The following SLC25A26 variants were observed in gnomAD, a reference collection of about 807,000 sequenced individuals.
SLC25A26 encodes the protein solute carrier family 25 member 26.
In SLC25A26, 36 loss-of-function variants were observed where a neutral mutation model predicts 37.8. The ratio of observed to expected loss-of-function variants is 0.95; its 90% CI spans 0.73 to 1.26. SLC25A26 has a LOEUF of 1.26. SLC25A26 is among the 50% of genes most tolerant of loss of function. The pLI, the probability that SLC25A26 is intolerant of heterozygous loss-of-function variation, is 0.00. For missense variants in SLC25A26, 390 were observed against 331.1 expected (o/e 1.18, Z -1.38); for synonymous variants, 129 against 122.5 (o/e 1.05, Z -0.35).
At chr3:66,367,120 G>T (rs2076841048) in intron 7 of SLC25A26, among the ~76,000 whole-genome samples, 1 of 152,198 alleles carries the variant, frequency 6.6e-6, no homozygotes, top group Admixed American at 6.5e-5. Context: ...CTGGTCTAAA[G>T]ATACGAAGAA....
At chr3:66,311,897 G>A (rs1184802091) in intron 5 of SLC25A26, among the ~76,000 whole-genome samples, 1 of 152,154 alleles carries the variant, frequency 6.6e-6, no homozygotes, top group Non-Finnish European at 1.5e-5. Context: ...CCAGATGCCA[G>A]CTGGAGCTCT....
chr3:66,168,887 C>A (rs748583207), intron 1 of SLC25A26, among the ~76,000 whole-genome samples: 1 of 152,080 alleles, frequency 6.6e-6, no homozygotes, highest in Non-Finnish European at 1.5e-5. Flanking sequence ...TTTGGAAGGC[C>A]AAGGAGGGAG....
chr3:66,295,515 C>T (rs2074870803), intron 5 of SLC25A26, among the ~76,000 whole-genome samples: 1 of 151,522 alleles, frequency 6.6e-6, no homozygotes, highest in Non-Finnish European at 1.5e-5. Context: ...CATTCTTCTG[C>T]CTCAGCCTCC....
intron 1 of SLC25A26, among the ~76,000 whole-genome samples, chr3:66,197,160 C>A (rs1412982669): frequency 6.6e-6 from 1 of 152,008 alleles, no homozygotes; most frequent in Admixed American, 6.6e-5. Flanking sequence ...GCTGGTTTGC[C>A]CCAATATGAA....
At chr3:66,353,601 G>A (rs909669803) in intron 6 of SLC25A26, among the ~76,000 whole-genome samples, 3 of 152,204 alleles carry the variant, frequency 2.0e-5, no homozygotes, top group African/African-American at 4.8e-5. Context: ...TATTTAGTCA[G>A]CTCATTGAAG....
intron 5 of SLC25A26, among the ~76,000 whole-genome samples, chr3:66,281,184 T>A (rs940727519): frequency 1.3e-5 from 2 of 152,216 alleles, no homozygotes; most frequent in African/African-American, 4.8e-5. Flanking sequence ...TTGGTTTTTT[T>A]ATATGAATAC....
At chr3:66,370,502 C>T (rs370856563) in intron 8 of SLC25A26, 27 bp from the exon 9 acceptor site, 126 of 1,592,256 alleles carry the variant, frequency 7.9e-5, no homozygotes, top group Non-Finnish European at 1.0e-4. Context: ...CAGAAGATAA[C>T]GGGTTTCTCT....
intron 5 of SLC25A26, among the ~76,000 whole-genome samples, chr3:66,283,782 A>G (rs900010014): frequency 3.9e-5 from 6 of 152,252 alleles, no homozygotes; most frequent in Non-Finnish European, 7.3e-5. Context: ...TTTATTTGCA[A>G]AAAAGAACCA....
chr3:66,256,985 G>C (rs1361949643), intron 3 of SLC25A26, among the ~76,000 whole-genome samples: 1 of 152,150 alleles, frequency 6.6e-6, no homozygotes, highest in Non-Finnish European at 1.5e-5. Context: ...CTCCTGGCTA[G>C]TTTCATTTGT....
intron 5 of SLC25A26, among the ~76,000 whole-genome samples, chr3:66,318,212 C>G (rs2075593294): frequency 6.6e-6 from 1 of 152,158 alleles, no homozygotes; most frequent in African/African-American, 2.4e-5. Context: ...GCAAATACTC[C>G]TATGTCTCAG....
chr3:66,208,252 G>A (rs1210455104), intron 1 of SLC25A26, among the ~76,000 whole-genome samples: 2 of 152,088 alleles, frequency 1.3e-5, no homozygotes, highest in Admixed American at 6.6e-5. Flanking sequence ...TAAAAAGAGA[G>A]ATGATTTTCT....
intron 1 of SLC25A26, among the ~76,000 whole-genome samples, chr3:66,185,945 A>T (rs1438574672): frequency 6.6e-6 from 1 of 151,912 alleles, no homozygotes; most frequent in Non-Finnish European, 1.5e-5. Flanking sequence ...CTTCACATTC[A>T]CCCTGATGTC....
chr3:66,138,395 A>G (rs2069981026), intron 1 of SLC25A26, among the ~76,000 whole-genome samples: 1 of 152,084 alleles, frequency 6.6e-6, no homozygotes, highest in South Asian at 2.1e-4. Context: ...CTTTTTTTCT[A>G]TAATTAAAAA....
chr3:66,138,734 C>T (rs1241346436), intron 1 of SLC25A26, among the ~76,000 whole-genome samples: 1 of 152,058 alleles, frequency 6.6e-6, no homozygotes, highest in African/African-American at 2.4e-5. Flanking sequence ...GCCAGAGGTT[C>T]CTCTTCACAA....
chr3:66,338,539 A>C (rs1214972306), intron 5 of SLC25A26, among the ~76,000 whole-genome samples: 4 of 152,028 alleles, frequency 2.6e-5, no homozygotes, highest in Non-Finnish European at 5.9e-5. Context: ...TAAAATTGCC[A>C]CTACCATAAT....
At chr3:66,158,020 T>C (rs2070308192) in intron 1 of SLC25A26, among the ~76,000 whole-genome samples, 1 of 152,238 alleles carries the variant, frequency 6.6e-6, no homozygotes, top group African/African-American at 2.4e-5. Context: ...ATGCGTTGTG[T>C]TATACTAGTC....
intron 1 of SLC25A26, among the ~76,000 whole-genome samples, chr3:66,134,376 G>T (rs2069915500): frequency 6.6e-6 from 1 of 152,204 alleles, no homozygotes; most frequent in African/African-American, 2.4e-5. Flanking sequence ...TTATCTGAGG[G>T]CTTGGGTGGT....
At chr3:66,238,490 CTCCTGCTTCAG>C (rs1403760248) in intron 2 of SLC25A26, among the ~76,000 whole-genome samples, 1 of 152,132 alleles carries the variant, frequency 6.6e-6, no homozygotes, top group East Asian at 1.9e-4. Flanking sequence ...TCAAGCAATT[CTCCTGCTTCAG>C]CCTCCTGAGT....
chr3:66,370,441 G>C, intron 8 of SLC25A26, 88 bp from the exon 9 acceptor site: 1 of 1,037,046 alleles, frequency 9.6e-7, no homozygotes, highest in Non-Finnish European at 1.5e-6. Context: ...AGGGTGACGG[G>C]GAGCTGTGTG....
Sources: allele counts gnomAD v4.1 joint callset (sites outside exome capture counted in the v4.1 genomes callset), GRCh38; gene constraint gnomAD v4.1.1; transcripts MANE v1.5; gene names NCBI Gene and HGNC (gene_info 2026-07-23, HGNC 2026-07-21).